IQSEC1: variants seen among roughly 807,000 people sequenced by gnomAD.
IQSEC1 encodes the protein IQ motif and Sec7 domain ArfGEF 1.
A neutral mutation model predicts 91.0 loss-of-function variants in IQSEC1; 31 were observed. The observed-to-expected ratio is 0.34, with a 90% CI of 0.26 to 0.46. IQSEC1 has a LOEUF of 0.46. Ranked by LOEUF, IQSEC1 falls within the 20% of genes least tolerant of loss-of-function variation. IQSEC1 has a pLI of 1.00. For synonymous variants in IQSEC1, 699 were observed against 662.6 expected (o/e 1.05, Z -0.84); for missense variants, 1,388 against 1,575.6 (o/e 0.88, Z 2.02).
chr3:12,967,699 G>T lies in IQSEC1; in HGVS notation c.24-25834C>A, dbSNP rs1241478480. 8 of 1,139,984 alleles carry T rather than the reference G, an allele frequency of 7.0e-6. No homozygotes were observed. The highest frequency in any genetic ancestry group is 4.9e-5 in the African/African-American group (3 of 61,124). 70.6% of individuals were successfully genotyped at this position (1,139,984 alleles called of 1,614,324 possible). A position where few individuals can be genotyped will look rare whatever the true frequency, so the allele number is the denominator to read the frequency against. On this transcript the variant is annotated intron_variant, in intron 1 of 13. Coordinates refer to ENST00000613206, the MANE Select transcript of IQSEC1 (RefSeq NM_001134382.3). This position sits in a 1 kb window ranked among gnomAD's most constrained non-coding sequence, Gnocchi z 5.9. ...CGCCGCCGCCCGCTTGGCGCAGCGC[G>T]AGGCCGGGCCGGAGGAATGTGGCCC...
At chr3:12,951,808 C>A (rs1237331759) in intron 1 of IQSEC1, among the ~76,000 whole-genome samples, 2 of 152,116 alleles carry the variant, frequency 1.3e-5, no homozygotes, top group African/African-American at 2.4e-5. Context: ...GGTCGCAGCA[C>A]CCCCAGTGGA....
intron 1 of IQSEC1, among the ~76,000 whole-genome samples, chr3:13,268,761 T>A (rs1695542291): frequency 6.6e-6 from 1 of 152,162 alleles, no homozygotes; most frequent in Non-Finnish European, 1.5e-5. Flanking sequence ...CATGTAACAA[T>A]CGTCGATTCA....
Position 13,265,207 on chromosome 3 carries a change from C to T in IQSEC1, c.272+17504G>A, listed in dbSNP as rs1037075445. Reference sequence around the variant, plus strand: ...CCAAAGGCTCTTTCCCTGCGAGATCCCTGCCGGCCCCACCACAGCTAGATG... The same window carrying T: ...CCAAAGGCTCTTTCCCTGCGAGATCTCTGCCGGCCCCACCACAGCTAGATG... On this transcript the variant is annotated intron_variant, in intron 1 of 15. Coordinates refer to the IQSEC1 transcript ENST00000648114. Among the ~76,000 whole-genome samples, 7 of 152,354 alleles carry T rather than the reference C, an allele frequency of 4.6e-5. No homozygotes were observed. The East Asian group carries it at 1.4e-3, about 29-fold the overall frequency.
In IQSEC1 at chr3:13,214,356, G is replaced by C. The variant is rs1052005722; in HGVS notation, c.273-50223C>G. On this transcript the variant is annotated intron_variant, in intron 1 of 15. Transcript: ENST00000648114. This position sits in a 1 kb window ranked among gnomAD's most constrained non-coding sequence, Gnocchi z 4.5. ...AACACCCTTGTCCAGGAGCTGCCCAGGCCGACTCCTCACCCCGTCCCACAG... is the reference window on the plus strand; with the variant it reads ...AACACCCTTGTCCAGGAGCTGCCCACGCCGACTCCTCACCCCGTCCCACAG... Among the ~76,000 whole-genome samples, 1 of 152,336 alleles carries C rather than the reference G, an allele frequency of 6.6e-6. No individual in the cohort carries two copies. Among genetic ancestry groups the C allele is most frequent in the Admixed American group, 6.5e-5 (1 of 15,298 alleles).
At chr3:13,100,752 C>T (rs10212407) in intron 2 of IQSEC1, among the ~76,000 whole-genome samples, 33,298 of 148,376 alleles carry the variant, frequency 0.22, 5,967 homozygotes, top group Middle Eastern at 0.41. Flanking sequence ...TACAAATGTT[C>T]ATTGGACACT....
At chr3:13,089,801 C>A (rs4684908) in intron 2 of IQSEC1, among the ~76,000 whole-genome samples, 54,661 of 151,948 alleles carry the variant, frequency 0.36, 10,231 homozygotes, top group East Asian at 0.54. Context: ...ATGTGGACGG[C>A]TGCGAATGGG....
chr3:13,030,320 C>T (rs1245816289), intron 1 of IQSEC1, among the ~76,000 whole-genome samples: 1 of 152,222 alleles, frequency 6.6e-6, no homozygotes, highest in African/African-American at 2.4e-5. Flanking sequence ...TGGTCTCGAA[C>T]TCCTCCTGGT....
In IQSEC1 at chr3:13,211,677, C is replaced by G. The variant is rs144906839; in HGVS notation, c.273-47544G>C. Among the ~76,000 whole-genome samples, 643 of 152,312 alleles carry G rather than the reference C, an allele frequency of 4.2e-3. 7 individuals are homozygous for G. Among genetic ancestry groups the G allele is most frequent in the Admixed American group, 8.9e-3 (136 of 15,306 alleles). ...CCAGGCCAGGACCCACGAACTGGCA[C>G]CACCCCAGCCCTGCTCAGCCACCAC... On this transcript the variant is annotated intron_variant, in intron 1 of 15. Coordinates refer to the IQSEC1 transcript ENST00000648114. The surrounding 1 kb of genome is among the most constrained non-coding windows in gnomAD (Gnocchi z 5.3).
chr3:12,986,511 G>A (rs373834594), intron 1 of IQSEC1, among the ~76,000 whole-genome samples: 4 of 152,308 alleles, frequency 2.6e-5, no homozygotes, highest in Non-Finnish European at 4.4e-5. Context: ...CAGGAGTAAC[G>A]ATGGCCCAAG....
At chr3:13,194,551 C>T (rs1033901616) in intron 1 of IQSEC1, among the ~76,000 whole-genome samples, 1 of 152,156 alleles carries the variant, frequency 6.6e-6, no homozygotes, top group African/African-American at 2.4e-5. Context: ...TCGCTTTCCA[C>T]CCCCCTTCTC....
At chr3:13,202,155 C>T (rs997513449) in intron 1 of IQSEC1, among the ~76,000 whole-genome samples, 1 of 152,160 alleles carries the variant, frequency 6.6e-6, no homozygotes, top group African/African-American at 2.4e-5. Flanking sequence ...CAGATGCTAA[C>T]AATTGTTGCA....
chr3:13,229,827 C>G (rs541613191), intron 1 of IQSEC1, among the ~76,000 whole-genome samples: 166 of 152,328 alleles, frequency 1.1e-3, no homozygotes, highest in African/African-American at 3.8e-3. Context: ...CACACCACTT[C>G]CTAGCTGTGT....
At chr3:12,958,198 A>G (rs766675027) in intron 1 of IQSEC1, among the ~76,000 whole-genome samples, 11 of 152,206 alleles carry the variant, frequency 7.2e-5, no homozygotes, top group Non-Finnish European at 1.3e-4. Context: ...GGCAGCTGCC[A>G]GGCCCCACAG....
chr3:13,027,361 G>A (rs1703660999), intron 1 of IQSEC1, among the ~76,000 whole-genome samples: 1 of 152,216 alleles, frequency 6.6e-6, no homozygotes, highest in Non-Finnish European at 1.5e-5. Flanking sequence ...AGAAGGCAGA[G>A]AAGAGCTTCC....
intron 2 of IQSEC1, among the ~76,000 whole-genome samples, chr3:13,098,196 T>C (rs1248993925): frequency 6.6e-6 from 1 of 152,246 alleles, no homozygotes; most frequent in Non-Finnish European, 1.5e-5. Context: ...GCCTTCTTTC[T>C]GGAGGCTGAC....
chr3:13,055,567 G>A (rs1257813962), intron 1 of IQSEC1, among the ~76,000 whole-genome samples: 3 of 152,228 alleles, frequency 2.0e-5, no homozygotes, highest in Admixed American at 1.3e-4. Flanking sequence ...ATAACTCAAA[G>A]AGTGAATCAG....
intron 1 of IQSEC1, among the ~76,000 whole-genome samples, chr3:13,039,237 G>C (rs186751978): frequency 6.6e-6 from 1 of 152,248 alleles, no homozygotes; most frequent in African/African-American, 2.4e-5. Context: ...GAACGCAGAG[G>C]CGCCCCGTGA....
intron 10 of IQSEC1, among the ~76,000 whole-genome samples, chr3:12,910,245 T>A (rs1695437699): frequency 6.6e-6 from 1 of 152,220 alleles, no homozygotes; most frequent in Admixed American, 6.5e-5. Flanking sequence ...GGCTGTCAGT[T>A]TGAGACCCCT....
intron 1 of IQSEC1, among the ~76,000 whole-genome samples, chr3:13,197,469 C>T (rs944640845): frequency 6.6e-6 from 1 of 152,186 alleles, no homozygotes; most frequent in African/African-American, 2.4e-5. Context: ...ACACTCATCA[C>T]CAGGCCAGCT....
Sources: gnomAD v4.1 joint callset for allele counts (sites outside exome capture counted in the v4.1 genomes callset) on GRCh38, gnomAD v4.1.1 for gene constraint, Gnocchi (gnomAD v3.1) non-coding constraint, MANE v1.5 for transcripts, NCBI Gene and HGNC (gene_info 2026-07-23, HGNC 2026-07-21) for gene names.